Variants in ADARB2 observed in about 807,000 individuals in gnomAD.
ADARB2 encodes the protein adenosine deaminase RNA specific B2 (inactive).
In ADARB2, 25 loss-of-function variants were observed where a neutral mutation model predicts 62.2. The ratio of observed to expected loss-of-function variants is 0.40; its 90% CI spans 0.29 to 0.56. The LOEUF is 0.56. Ranked by LOEUF, ADARB2 falls within the 20% of genes least tolerant of loss-of-function variation. ADARB2 has a pLI of 0.43. For synonymous variants in ADARB2, 572 were observed against 500.8 expected (o/e 1.14, Z -1.90); for missense variants, 1,071 against 1,077.4 (o/e 0.99, Z 0.08).
intron 1 of ADARB2, among the ~76,000 whole-genome samples, chr10:1,561,339 C>T (rs1446223530): frequency 6.6e-6 from 1 of 152,178 alleles, no homozygotes; most frequent in African/African-American, 2.4e-5. Flanking sequence ...GGTACAGATA[C>T]ATGAATTTAT....
intron 7 of ADARB2, among the ~76,000 whole-genome samples, chr10:1,209,953 A>G (rs934702158): frequency 2.0e-5 from 3 of 152,180 alleles, no homozygotes; most frequent in Admixed American, 1.3e-4. Flanking sequence ...ACACTTTCAT[A>G]TTTTGCTGTA....
chr10:1,503,850 C>T (rs1052838768), intron 1 of ADARB2, among the ~76,000 whole-genome samples: 1 of 152,126 alleles, frequency 6.6e-6, no homozygotes, highest in African/African-American at 2.4e-5. Context: ...CTGTCTTCAC[C>T]TTCTGCCATG....
chr10:1,406,074 T>C (rs191630668), intron 1 of ADARB2, among the ~76,000 whole-genome samples: 176 of 152,380 alleles, frequency 1.2e-3, no homozygotes, highest in Non-Finnish European at 2.2e-3. Context: ...GATACACCTG[T>C]TTATTACACC....
At chr10:1,400,112 G>T (rs1832649186) in intron 1 of ADARB2, among the ~76,000 whole-genome samples, 1 of 152,228 alleles carries the variant, frequency 6.6e-6, no homozygotes, top group Non-Finnish European at 1.5e-5. Context: ...GGCAGGGTTG[G>T]AGGCACCGCT....
chr10:1,228,401 C>T (rs1830766935), intron 6 of ADARB2, among the ~76,000 whole-genome samples: 1 of 152,228 alleles, frequency 6.6e-6, no homozygotes, highest in Non-Finnish European at 1.5e-5. Flanking sequence ...TCATCTTCTG[C>T]TCCATCTGGG....
chr10:1,240,948 G>C (rs563473366), intron 5 of ADARB2, among the ~76,000 whole-genome samples: 1 of 152,344 alleles, frequency 6.6e-6, no homozygotes, highest in African/African-American at 2.4e-5. Flanking sequence ...TCAACCTGTG[G>C]CTCCCTGCTC....
intron 1 of ADARB2, among the ~76,000 whole-genome samples, chr10:1,560,848 T>C (rs1347762247): frequency 2.0e-5 from 3 of 152,216 alleles, no homozygotes; most frequent in Non-Finnish European, 2.9e-5. Context: ...CAGGAAACCC[T>C]TGCCTTTGAA....
Position 1,687,810 on chromosome 10 carries a change from C to T in ADARB2, c.100+49241G>A, listed in dbSNP as rs56347760. ...CCACAGGAGTCACACCCTTGCTGGC[C>T]GGGGGGGAAAACCACCCACCATGTG... is the stretch of plus-strand genomic sequence containing the variant. On this transcript the variant is annotated intron_variant, in intron 1 of 9. Transcript: ENST00000381312. Among the ~76,000 whole-genome samples the T allele has an allele frequency of 4.0e-3, 608 of 151,950 alleles. 2 individuals carry two copies. Among genetic ancestry groups the T allele is most frequent in the African/African-American group, 0.014 (570 of 41,434 alleles).
intron 3 of ADARB2, among the ~76,000 whole-genome samples, chr10:1,305,580 C>G (rs1379005365): frequency 6.6e-6 from 1 of 152,110 alleles, no homozygotes; most frequent in Admixed American, 6.5e-5. Context: ...GATACCAAAG[C>G]CTGGCAGAGA....
At chr10:1,542,960 G>A (rs1329666360) in intron 1 of ADARB2, among the ~76,000 whole-genome samples, 1 of 152,252 alleles carries the variant, frequency 6.6e-6, no homozygotes, top group East Asian at 1.9e-4. Context: ...ACGCAGTTGG[G>A]ACCCTGGATC....
intron 1 of ADARB2, among the ~76,000 whole-genome samples, chr10:1,467,575 G>A (rs141574646): frequency 1.4e-3 from 212 of 152,302 alleles, no homozygotes; most frequent in Non-Finnish European, 2.4e-3. Flanking sequence ...GGCACCTGCT[G>A]TCGAGCGAGG....
chr10:1,478,173 CAGTGTCTT>C, intron 1 of ADARB2, among the ~76,000 whole-genome samples: 1 of 152,340 alleles, frequency 6.6e-6, no homozygotes, highest in South Asian at 2.1e-4. Flanking sequence ...GAACAGTGTG[CAGTGTCTT>C]AGGAAGTACA....
Position 1,363,201 on chromosome 10 carries a change from G to T in ADARB2, c.904C>A (p.Arg302Ser). Reference sequence around the variant, plus strand: ...ACGGCCATCACGAAGCTCCGCGCGCGCCGCTCGGCCGGTTCTGCCAGACAC... The same window carrying T: ...ACGGCCATCACGAAGCTCCGCGCGCTCCGCTCGGCCGGTTCTGCCAGACAC... ...YVCLAEPAER[R>S]ARSFVMAVSV... The change falls in exon 3 of 10, where the codon CGC (arginine) becomes AGC (serine). Residue 302 changes from arginine (R) to serine (S), a missense_variant. By Grantham distance (110) the Arg-to-Ser change is moderately radical. Coordinates refer to ENST00000381312, the MANE Select transcript of ADARB2 (RefSeq NM_018702.4). 1 of 1,479,506 alleles carries T rather than the reference G, an allele frequency of 6.8e-7. No homozygotes were observed. Among genetic ancestry groups the T allele is most frequent in the Non-Finnish European group, 8.9e-7 (1 of 1,117,874 alleles). The allele number at this position is 1,479,506 out of a possible 1,614,324, so 91.6% of individuals were successfully genotyped here.
intron 1 of ADARB2, among the ~76,000 whole-genome samples, chr10:1,710,889 A>C (rs530762818): frequency 1.8e-4 from 28 of 152,190 alleles, no homozygotes; most frequent in African/African-American, 6.5e-4. Context: ...TGATACCTCC[A>C]CAGATGCTTC....
chr10:1,227,557 A>G (rs148282268), intron 6 of ADARB2, among the ~76,000 whole-genome samples: 1,717 of 152,314 alleles, frequency 0.011, 18 homozygotes, highest in South Asian at 0.036. Flanking sequence ...TCCTCCCCCT[A>G]GATCCTCATT....
In ADARB2 at chr10:1,489,976, A is replaced by T. The variant is rs10794753; in HGVS notation, c.101-110816T>A. Among the ~76,000 whole-genome samples the T allele has an allele frequency of 2.4e-3, 368 of 152,212 alleles. 2 individuals are homozygous for T. The highest frequency in any genetic ancestry group is 0.01 in the Middle Eastern group (3 of 294). ...GTCTGTCTAGGCAAGCTGCTGCTAC[A>T]GGTGCACGGACAACAAAGACCTCAG... On this transcript the variant is annotated intron_variant, in intron 1 of 9. Coordinates refer to ENST00000381312, the MANE Select transcript of ADARB2 (RefSeq NM_018702.4).
chr10:1,293,139 AAGAGAG>A (rs1162124786), intron 3 of ADARB2: 1 of 74,726 alleles, frequency 1.3e-5, no homozygotes, highest in Non-Finnish European at 2.6e-5. Context: ...TAGGGAAGGA[AAGAGAG>A]AGGGAGAGGG....
In ADARB2 at chr10:1,470,920, A is replaced by G. The variant is rs965720185; in HGVS notation, c.101-91760T>C. On this transcript the variant is annotated intron_variant, in intron 1 of 9. Transcript: ENST00000381312. ...CTAAAAATACAAAAATTAGCCGGGC[A>G]TGGTGGCAGGTGCCTGTAGTCTCAG... Among the ~76,000 whole-genome samples, 5 of 152,242 alleles carry G rather than the reference A, an allele frequency of 3.3e-5. No homozygotes were observed. In the East Asian group the frequency reaches 9.7e-4, roughly 29 times the overall value.
At chr10:1,428,534 G>A (rs566956348) in intron 1 of ADARB2, among the ~76,000 whole-genome samples, 31 of 152,080 alleles carry the variant, frequency 2.0e-4, no homozygotes, top group Middle Eastern at 3.4e-3. Flanking sequence ...TGATCCGCCC[G>A]CCTCTGCCTC....
Sources: allele counts gnomAD v4.1 joint callset (sites outside exome capture counted in the v4.1 genomes callset), GRCh38; gene constraint gnomAD v4.1.1; transcripts MANE v1.5; gene names NCBI Gene and HGNC (gene_info 2026-07-23, HGNC 2026-07-21).